DPP6: variants seen among roughly 807,000 people sequenced by gnomAD.
DPP6 encodes the protein A-type potassium channel modulatory protein DPP6.
DPP6 carries 69 observed loss-of-function variants against 122.6 expected under a neutral mutation model. The observed-to-expected ratio is 0.56, with a 90% CI of 0.46 to 0.69. The LOEUF (loss-of-function observed/expected upper bound fraction) is 0.69. DPP6 is among the 30% of genes least tolerant of loss of function. DPP6 has a pLI of 0.00. For synonymous variants in DPP6, 418 were observed against 433.1 expected (o/e 0.97, Z 0.43); for missense variants, 928 against 1,116.9 (o/e 0.83, Z 2.41).
At chr7:154,843,384 G>GA (rs1265743790) in intron 16 of DPP6, among the ~76,000 whole-genome samples, 2 of 152,134 alleles carry the variant, frequency 1.3e-5, no homozygotes, top group Admixed American at 6.5e-5. Context: ...TATTGGCTGG[G>GA]AAAAAAACAG....
chr7:154,868,116 C>G (rs1299177511), intron 18 of DPP6, 23 bp downstream of exon 18: 9 of 1,576,172 alleles, frequency 5.7e-6, no homozygotes, highest in Non-Finnish European at 6.0e-6. Context: ...TTTTTCCCCT[C>G]TAAAAGAAAA....
At chr7:153,813,019 T>A in the DPP6 span, among the ~76,000 whole-genome samples, 1 of 152,142 alleles carries the variant, frequency 6.6e-6, no homozygotes, top group Non-Finnish European at 1.5e-5. Context: ...TGAGGAAATT[T>A]TTTTTTATTA....
At chr7:154,432,889 A>G (rs1239097819) in intron 1 of DPP6, among the ~76,000 whole-genome samples, 1 of 152,160 alleles carries the variant, frequency 6.6e-6, no homozygotes, top group Admixed American at 6.5e-5. Flanking sequence ...GTGTACTCAT[A>G]TGGTAGTTAA....
intron 6 of DPP6, among the ~76,000 whole-genome samples, chr7:154,650,131 G>A (rs904993188): frequency 6.6e-6 from 1 of 152,234 alleles, no homozygotes; most frequent in Admixed American, 6.5e-5. Context: ...ACCAGCCTGG[G>A]CAACATAGCA....
chr7:154,749,541 A>G (rs199630744), intron 8 of DPP6, among the ~76,000 whole-genome samples: 3,789 of 51,554 alleles, frequency 0.073, 12 homozygotes, highest in Middle Eastern at 0.14. Flanking sequence ...AGGACGGGAG[A>G]GAGAGGGATG....
chr7:154,762,447 C>G (rs1301719759), intron 8 of DPP6, among the ~76,000 whole-genome samples: 1 of 152,228 alleles, frequency 6.6e-6, no homozygotes, highest in African/African-American at 2.4e-5. Flanking sequence ...CAAATAATGG[C>G]AAGAAGTATC....
intron 1 of DPP6, among the ~76,000 whole-genome samples, chr7:154,257,799 C>G (rs78358961): frequency 0.012 from 1,796 of 152,282 alleles, 40 homozygotes; most frequent in African/African-American, 0.041. Context: ...ATGGTTCCCA[C>G]TATTTGAGTA....
Position 154,566,112 on chromosome 7 carries a change from A to G in DPP6, c.553-730A>G, listed in dbSNP as rs543964528. Among the ~76,000 whole-genome samples the G allele has an allele frequency of 2.0e-5, 3 of 152,366 alleles. No homozygotes were observed. In the South Asian group the frequency reaches 6.2e-4, roughly 32 times the overall value. On this transcript the variant is annotated intron_variant, in intron 4 of 25. Transcript: ENST00000377770. ...TTGTAGGGATGACCATGTTGGAAAA[A>G]GAGCAAGTTGCAAAATAATGTGTGC...
chr7:154,251,678 AAG>A (rs1329262940), intron 1 of DPP6, among the ~76,000 whole-genome samples: 1 of 152,218 alleles, frequency 6.6e-6, no homozygotes. Flanking sequence ...GTGTAAGTCT[AAG>A]AGTTCAAAAG....
chr7:154,489,865 G>A (rs569862217), intron 3 of DPP6, among the ~76,000 whole-genome samples: 1 of 149,974 alleles, frequency 6.7e-6, no homozygotes, highest in Non-Finnish European at 1.5e-5. Context: ...AAAGCCAAAT[G>A]CAGGAATTTC....
At chr7:154,048,734 A>G (rs1464593714), upstream of DPP6, among the ~76,000 whole-genome samples, 1 of 101,740 alleles carries the variant, frequency 9.8e-6, no homozygotes, top group Non-Finnish European at 2.3e-5. Flanking sequence ...CCCAGAGAAA[A>G]GGGAAGTCAA....
chr7:153,867,368 C>G, the DPP6 span, among the ~76,000 whole-genome samples: 1 of 152,140 alleles, frequency 6.6e-6, no homozygotes, highest in East Asian at 1.9e-4. Context: ...TCCTTCATAT[C>G]CCTTGTAAAT....
chr7:153,952,975 T>C lies in DPP6; in HGVS notation c.51+65241T>C, dbSNP rs977350119. Reference sequence around the variant, plus strand: ...GGAGAAAATTATTTTTGTAAACCTTTCCTAGAAGAATTTTATGTCCTGTAT... The same window carrying C: ...GGAGAAAATTATTTTTGTAAACCTTCCCTAGAAGAATTTTATGTCCTGTAT... On this transcript the variant is annotated intron_variant, in intron 1 of 25. Coordinates refer to the DPP6 transcript ENST00000404039. 5.9e-5 allele frequency among the ~76,000 whole-genome samples: 9 copies of C among 152,166 alleles called. 1 individual carries two copies. Among genetic ancestry groups the C allele is most frequent in the Admixed American group, 5.9e-4 (9 of 15,278 alleles).
intron 1 of DPP6, among the ~76,000 whole-genome samples, chr7:153,958,819 C>G (rs1795199881): frequency 6.6e-6 from 1 of 151,778 alleles, no homozygotes; most frequent in African/African-American, 2.4e-5. Context: ...AGAGAGAGGC[C>G]TTCTGTTCCT....
chr7:154,060,986 TGTGG>T (rs1292402029), intron 1 of DPP6, among the ~76,000 whole-genome samples: 1 of 148,970 alleles, frequency 6.7e-6, no homozygotes, highest in Non-Finnish European at 1.5e-5. Flanking sequence ...CCTGGAGGAC[TGTGG>T]GTATTAGGTG....
intron 1 of DPP6, among the ~76,000 whole-genome samples, chr7:153,972,831 T>C (rs1796090782): frequency 6.6e-6 from 1 of 151,948 alleles, no homozygotes; most frequent in Admixed American, 6.6e-5. Flanking sequence ...AGTATTGCCA[T>C]GTGTAAAATA....
At chr7:154,462,672 T>A (rs1037916257) in intron 2 of DPP6, among the ~76,000 whole-genome samples, 4 of 152,128 alleles carry the variant, frequency 2.6e-5, no homozygotes, top group Non-Finnish European at 5.9e-5. Flanking sequence ...TATTATACTT[T>A]AAGTTTTAGG....
At chr7:154,477,978 A>ACATGACCCT (rs1300360152) in intron 3 of DPP6, among the ~76,000 whole-genome samples, 1 of 151,304 alleles carries the variant, frequency 6.6e-6, no homozygotes, top group Non-Finnish European at 1.5e-5. Context: ...TTCCACTCAC[A>ACATGACCCT]CATGACCCTC....
At position 154,282,783 on chromosome 7, in the gene DPP6, T is replaced by C. The variant is rs1804608807; in HGVS notation, c.244-163431T>C. On this transcript the variant is annotated intron_variant, in intron 1 of 25. Transcript: ENST00000377770. This position sits in a 1 kb window ranked among gnomAD's most constrained non-coding sequence, Gnocchi z 4.8. ...GTATGTATATTTGGGTAGATAAATATAGGGTTGATTCCTAAAGGGTTTAGA... is the reference window on the plus strand; with the variant it reads ...GTATGTATATTTGGGTAGATAAATACAGGGTTGATTCCTAAAGGGTTTAGA... Among the ~76,000 whole-genome samples the C allele has an allele frequency of 6.6e-6, 1 of 152,176 alleles. No individual in the cohort carries two copies. Among genetic ancestry groups the C allele is most frequent in the African/African-American group, 2.4e-5 (1 of 41,456 alleles).
Sources: allele counts gnomAD v4.1 joint callset (sites outside exome capture counted in the v4.1 genomes callset), GRCh38; gene constraint gnomAD v4.1.1; non-coding constraint Gnocchi (gnomAD v3.1); transcripts MANE v1.5; gene names NCBI Gene and HGNC (gene_info 2026-07-23, HGNC 2026-07-21).